The following COL22A1 variants were observed in gnomAD, a reference collection of about 807,000 sequenced individuals.
COL22A1 encodes the protein collagen type XXII alpha 1 chain.
COL22A1 carries 221 observed loss-of-function variants against 248.9 expected under a neutral mutation model. The observed-to-expected ratio is 0.89, with a 90% CI of 0.80 to 0.99. The LOEUF is 0.99. Ranked by LOEUF, COL22A1 falls within the 50% of genes least tolerant of loss-of-function variation. COL22A1 has a pLI of 0.00. For synonymous variants in COL22A1, 891 were observed against 793.4 expected (o/e 1.12, Z -2.07); for missense variants, 2,240 against 2,179.0 (o/e 1.03, Z -0.56).
At chr8:138,866,712 A>T (rs1822923443) in intron 3 of COL22A1, among the ~76,000 whole-genome samples, 2 of 152,244 alleles carry the variant, frequency 1.3e-5, no homozygotes, top group Non-Finnish European at 2.9e-5. Context: ...GCGCTGATTC[A>T]TATTGAACCT....
chr8:138,679,710 C>A, intron 39 of COL22A1, 34 bp from the exon 40 acceptor site: 1 of 1,590,918 alleles, frequency 6.3e-7, no homozygotes, highest in East Asian at 2.2e-5. Context: ...ATTTCTTCAC[C>A]AAACAAATGT....
rs551340419 is a variant in COL22A1, at chr8:138,851,463, C to A, written c.659-7305G>T. Among the ~76,000 whole-genome samples, 5 of 152,298 alleles carry A rather than the reference C, an allele frequency of 3.3e-5. No homozygotes were observed. In the South Asian group the frequency reaches 1.0e-3, roughly 32 times the overall value. On this transcript the variant is annotated intron_variant, in intron 3 of 64. Transcript: ENST00000303045. ...GCTCACTCTGCCAGGTAGCAGCAGG[C>A]GCTGCTCATGGTTGTTACTATGTAT... is the stretch of plus-strand genomic sequence containing the variant.
chr8:138,604,608 C>G (rs899325855), intron 59 of COL22A1, 126 bp downstream of exon 59: 3 of 796,768 alleles, frequency 3.8e-6, no homozygotes, highest in Non-Finnish European at 4.2e-6. Flanking sequence ...TTAAGAATTT[C>G]AAAACAGTGA....
At chr8:138,731,198 G>A (rs1830680891) in intron 23 of COL22A1, among the ~76,000 whole-genome samples, 1 of 152,112 alleles carries the variant, frequency 6.6e-6, no homozygotes, top group South Asian at 2.1e-4. Context: ...CTACTAGGGA[G>A]GCTGAGGCAG....
chr8:138,912,270 G>T (rs376338232), intron 1 of COL22A1, among the ~76,000 whole-genome samples: 21 of 152,194 alleles, frequency 1.4e-4, no homozygotes, highest in Non-Finnish European at 2.9e-4. Flanking sequence ...GCTGGGCAGC[G>T]TACCCCATGC....
chr8:138,636,385 T>C (rs1466389357), intron 48 of COL22A1, among the ~76,000 whole-genome samples: 1 of 147,442 alleles, frequency 6.8e-6, no homozygotes, highest in African/African-American at 2.5e-5. Context: ...ATTGAGATGA[T>C]GGGAGGGAAG....
At chr8:138,721,257 A>G (rs1586566805) in intron 26 of COL22A1, among the ~76,000 whole-genome samples, 1 of 152,126 alleles carries the variant, frequency 6.6e-6, no homozygotes, top group South Asian at 2.1e-4. Flanking sequence ...ATGACAACAC[A>G]TTTTCCCGTA....
intron 1 of COL22A1, among the ~76,000 whole-genome samples, chr8:138,892,714 C>G (rs887267985): frequency 1.3e-5 from 2 of 152,230 alleles, no homozygotes; most frequent in African/African-American, 2.4e-5. Context: ...AACCAGCATT[C>G]CCATTCAGGG....
chr8:138,781,050 G>A (rs1195806964), intron 12 of COL22A1, 70 bp from the exon 13 acceptor site: 15 of 1,090,118 alleles, frequency 1.4e-5, no homozygotes, highest in Non-Finnish European at 1.9e-5. Flanking sequence ...TGCTAGTGCA[G>A]TGGAGAACGT....
At chr8:138,693,360 A>T (rs1339821391) in intron 35 of COL22A1, among the ~76,000 whole-genome samples, 1 of 152,204 alleles carries the variant, frequency 6.6e-6, no homozygotes, top group Non-Finnish European at 1.5e-5. Context: ...TTGGAGTAAC[A>T]ACCTCACCTG....
rs138015303 is a variant in COL22A1, at chr8:138,853,735, C to T, written c.659-9577G>A. ...GAAAAAGGAAAGACATGTCAGTTACCGAATCCCTAGATTTGGCAAGCACAT... is the reference window on the plus strand; with the variant it reads ...GAAAAAGGAAAGACATGTCAGTTACTGAATCCCTAGATTTGGCAAGCACAT... On this transcript the variant is annotated intron_variant, in intron 3 of 64. Coordinates refer to ENST00000303045, the MANE Select transcript of COL22A1 (RefSeq NM_152888.3). 2.3e-3 allele frequency among the ~76,000 whole-genome samples: 356 copies of T among 152,282 alleles called. 1 individual carries two copies. The highest frequency in any genetic ancestry group is 8.0e-3 in the African/African-American group (333 of 41,568).
chr8:138,622,392 C>G (rs972532091), intron 52 of COL22A1, among the ~76,000 whole-genome samples: 1 of 152,030 alleles, frequency 6.6e-6, no homozygotes, highest in South Asian at 2.1e-4. Context: ...GGCCAGAATC[C>G]GAAGCAAGCT....
intron 10 of COL22A1, among the ~76,000 whole-genome samples, 182 bp from the exon 11 acceptor site, chr8:138,803,116 C>T (rs1250372193): frequency 6.6e-6 from 1 of 152,180 alleles, no homozygotes. Flanking sequence ...TAAGTCATCT[C>T]CCAACATCAC....
chr8:138,612,076 T>A (rs1451248632), intron 56 of COL22A1, among the ~76,000 whole-genome samples: 1 of 152,070 alleles, frequency 6.6e-6, no homozygotes, highest in Non-Finnish European at 1.5e-5. Context: ...ATGTGTCTTC[T>A]ATATGCTTGT....
chr8:138,810,461 G>A (rs984132957), intron 9 of COL22A1, among the ~76,000 whole-genome samples: 9 of 152,220 alleles, frequency 5.9e-5, no homozygotes, highest in Non-Finnish European at 1.3e-4. Flanking sequence ...TGCCGGGGGT[G>A]GGTGGAGGAG....
intron 26 of COL22A1, 36 bp downstream of exon 26, chr8:138,722,000 G>T (rs557545070): frequency 2.0e-6 from 3 of 1,532,640 alleles, no homozygotes; most frequent in South Asian, 1.2e-5. Flanking sequence ...TGTGTTTTGG[G>T]TTCCCAAACT....
intron 30 of COL22A1, among the ~76,000 whole-genome samples, chr8:138,715,402 C>T (rs894334857): frequency 3.3e-5 from 5 of 151,592 alleles, no homozygotes; most frequent in African/African-American, 9.7e-5. Context: ...AATCTCGTCT[C>T]TACTAAAAAC....
chr8:138,720,672 C>T (rs1829803613), intron 27 of COL22A1, 67 bp downstream of exon 27: 2 of 1,302,082 alleles, frequency 1.5e-6, no homozygotes, highest in Middle Eastern at 1.8e-4. Context: ...AGTCGAGATT[C>T]ACACACCACC....
chr8:138,613,904 G>A lies in COL22A1; in HGVS notation c.3941C>T (p.Thr1314Ile). Residue 1314 changes from threonine (T) to isoleucine (I), a missense_variant, in exon 56 of 65, where the codon ACT (threonine) becomes ATT (isoleucine). Thr to Ile is a moderately conservative substitution (Grantham distance 89). Transcript: ENST00000303045. Reference sequence around the variant, plus strand: ...TGGTCCTTGGGGACCCTGTGGCCCAGTGGGTCCAGTGTCACCCTGGAACAA... The same window carrying A: ...TGGTCCTTGGGGACCCTGTGGCCCAATGGGTCCAGTGTCACCCTGGAACAA... ...LPGKDGDTGPTGPQGPQGPRG... is the reference protein window; with the variant it reads ...LPGKDGDTGPIGPQGPQGPRG... 1 of 1,613,500 alleles carries A rather than the reference G, an allele frequency of 6.2e-7. No individual in the cohort carries two copies. The highest frequency in any genetic ancestry group is 8.5e-7 in the Non-Finnish European group (1 of 1,179,384).
Sources: gnomAD v4.1 joint callset for allele counts (sites outside exome capture counted in the v4.1 genomes callset) on GRCh38, gnomAD v4.1.1 for gene constraint, MANE v1.5 for transcripts, NCBI Gene and HGNC (gene_info 2026-07-23, HGNC 2026-07-21) for gene names.